BRINP3: variants seen among roughly 807,000 people sequenced by gnomAD.
BRINP3 encodes the protein BMP/retinoic acid-inducible neural-specific protein 3.
In BRINP3, 19 loss-of-function variants were observed where a neutral mutation model predicts 71.0. The ratio of observed to expected loss-of-function variants is 0.27; its 90% CI spans 0.19 to 0.39. The LOEUF is 0.39. BRINP3 is among the 10% of genes least tolerant of loss of function. BRINP3 has a pLI of 1.00. For missense variants in BRINP3, 959 were observed against 940.8 expected, an observed-to-expected ratio of 1.02 and a Z score of -0.25; for synonymous variants, 380 against 337.7, an observed-to-expected ratio of 1.13 and a Z score of -1.37.
At chr1:190,167,927 C>T (rs948743253) in intron 6 of BRINP3, among the ~76,000 whole-genome samples, 3 of 152,024 alleles carry the variant, frequency 2.0e-5, no homozygotes, top group Non-Finnish European at 2.9e-5. Flanking sequence ...CTAGTATCTC[C>T]GAGTGCTGTA....
At chr1:190,242,122 A>G (rs1659158154) in intron 4 of BRINP3, among the ~76,000 whole-genome samples, 1 of 151,914 alleles carries the variant, frequency 6.6e-6, no homozygotes, top group African/African-American at 2.4e-5. Context: ...CAAACATATT[A>G]TTAATTATAA....
intron 2 of BRINP3, among the ~76,000 whole-genome samples, chr1:190,319,515 T>C (rs761536498): frequency 1.3e-5 from 2 of 152,134 alleles, no homozygotes; most frequent in Non-Finnish European, 2.9e-5. Flanking sequence ...ATAGGTTTAA[T>C]TGGCTCACTG....
intron 2 of BRINP3, among the ~76,000 whole-genome samples, chr1:190,352,863 G>A (rs960134780): frequency 6.9e-6 from 1 of 145,030 alleles, no homozygotes; most frequent in African/African-American, 2.5e-5. Context: ...CTCTCTCTGT[G>A]TGTGTATGTG....
At chr1:190,156,076 G>A (rs1318648961) in intron 7 of BRINP3, among the ~76,000 whole-genome samples, 3 of 152,014 alleles carry the variant, frequency 2.0e-5, no homozygotes, top group South Asian at 2.1e-4. Context: ...CCAAATTGTC[G>A]CAGGCTTTAG....
chr1:190,192,202 T>C (rs1461678468), intron 6 of BRINP3, among the ~76,000 whole-genome samples: 1 of 152,136 alleles, frequency 6.6e-6, no homozygotes, highest in East Asian at 1.9e-4. Context: ...ATCTCTTTGC[T>C]TTTAAAAAAG....
In BRINP3 at chr1:190,317,196, T is replaced by C. The variant is rs545606174; in HGVS notation, c.237-35446A>G. 3.3e-4 allele frequency among the ~76,000 whole-genome samples: 47 copies of C among 141,974 alleles called. 1 individual carries two copies. The highest frequency in any genetic ancestry group is 1.2e-3 in the African/African-American group (45 of 38,760). 93.1% of individuals were successfully genotyped at this position (141,974 alleles called of 152,430 possible). Reference sequence around the variant, plus strand: ...CAAAAAAAAAAAAAAAAAAAAAGTCTCTAAAATACCTTGCCTTAAAAAACA... The same window carrying C: ...CAAAAAAAAAAAAAAAAAAAAAGTCCCTAAAATACCTTGCCTTAAAAAACA... On this transcript the variant is annotated intron_variant, in intron 2 of 7. Coordinates refer to ENST00000367462, the MANE Select transcript of BRINP3 (RefSeq NM_199051.3).
At chr1:190,428,568 T>C (rs1673880117) in intron 2 of BRINP3, among the ~76,000 whole-genome samples, 1 of 152,100 alleles carries the variant, frequency 6.6e-6, no homozygotes, top group South Asian at 2.1e-4. Flanking sequence ...ATCAAGATTC[T>C]ATCTTTAACA....
intron 2 of BRINP3, among the ~76,000 whole-genome samples, chr1:190,422,017 A>T (rs1292579899): frequency 6.6e-6 from 1 of 151,762 alleles, no homozygotes; most frequent in African/African-American, 2.4e-5. Context: ...TTCCTGTCCA[A>T]GTTTCCCAGA....
intron 2 of BRINP3, among the ~76,000 whole-genome samples, chr1:190,327,427 T>C (rs1274401626): frequency 2.5e-5 from 2 of 80,594 alleles, no homozygotes; most frequent in Non-Finnish European, 5.0e-5. Context: ...ATCTCACACA[T>C]AATAACAACC....
intron 2 of BRINP3, among the ~76,000 whole-genome samples, chr1:190,364,986 A>C (rs1669389664): frequency 6.6e-6 from 1 of 152,130 alleles, no homozygotes; most frequent in Admixed American, 6.6e-5. Flanking sequence ...GCCTGGAATC[A>C]GTTAACTGGC....
intron 2 of BRINP3, among the ~76,000 whole-genome samples, chr1:190,370,881 T>C (rs1394827943): frequency 6.6e-6 from 1 of 152,208 alleles, no homozygotes; most frequent in Non-Finnish European, 1.5e-5. Context: ...TTAATTTGTA[T>C]TTTAATTAAA....
At chr1:190,440,684 C>G (rs74431980) in intron 2 of BRINP3, among the ~76,000 whole-genome samples, 1 of 151,990 alleles carries the variant, frequency 6.6e-6, no homozygotes, top group South Asian at 2.1e-4. Flanking sequence ...AGTTCTATAA[C>G]GTCAACTTAT....
chr1:190,458,004 C>T (rs996082542), intron 1 of BRINP3, among the ~76,000 whole-genome samples: 6 of 151,288 alleles, frequency 4.0e-5, no homozygotes, highest in East Asian at 1.9e-4. Flanking sequence ...TTTAACATAT[C>T]CATCATTTCA....
At position 190,375,647 on chromosome 1, in the gene BRINP3, C is replaced by T. The variant is rs148818614; in HGVS notation, c.236+79008G>A. Among the ~76,000 whole-genome samples, 117 of 152,026 alleles carry T rather than the reference C, an allele frequency of 7.7e-4. 1 individual carries two copies. Among genetic ancestry groups the T allele is most frequent in the African/African-American group, 2.5e-3 (103 of 41,532 alleles). Reference sequence around the variant, plus strand: ...TATATAAATTGAGTCACAAGTTCATCACCTCATATAACTGGATTCTGAAGA... The same window carrying T: ...TATATAAATTGAGTCACAAGTTCATTACCTCATATAACTGGATTCTGAAGA... On this transcript the variant is annotated intron_variant, in intron 2 of 7. Coordinates refer to ENST00000367462, the MANE Select transcript of BRINP3 (RefSeq NM_199051.3).
At chr1:190,473,410 G>C (rs553301927) in intron 1 of BRINP3, among the ~76,000 whole-genome samples, 22 of 151,400 alleles carry the variant, frequency 1.5e-4, no homozygotes, top group Admixed American at 1.4e-3. Context: ...TATTGATCAG[G>C]GATCTACATC....
At chr1:190,467,231 A>C (rs1416319059) in intron 1 of BRINP3, among the ~76,000 whole-genome samples, 1 of 151,608 alleles carries the variant, frequency 6.6e-6, no homozygotes, top group Non-Finnish European at 1.5e-5. Context: ...TTAGTAGATT[A>C]ATTTTAAAAA....
intron 2 of BRINP3, among the ~76,000 whole-genome samples, chr1:190,300,360 C>T (rs1338275137): frequency 6.6e-6 from 1 of 152,122 alleles, no homozygotes; most frequent in African/African-American, 2.4e-5. Context: ...GAGGCTTCTG[C>T]ATTCTTCACG....
intron 2 of BRINP3, among the ~76,000 whole-genome samples, chr1:190,373,758 G>T (rs1670015633): frequency 6.6e-6 from 1 of 151,740 alleles, no homozygotes; most frequent in South Asian, 2.1e-4. Flanking sequence ...GGTGAGACAG[G>T]TGGAGGAGCA....
At position 190,160,773 on chromosome 1, in the gene BRINP3, T is replaced by C. The variant is rs1657282304; in HGVS notation, c.1079A>G (p.Asn360Ser). 1 of 1,613,558 alleles carries C rather than the reference T, an allele frequency of 6.2e-7. No homozygotes were observed. The highest frequency in any genetic ancestry group is 1.7e-5 in the Admixed American group (1 of 59,938). The change falls in exon 7 of 8, where the codon AAC becomes AGC. Residue 360 changes from asparagine to serine, a missense_variant. Coordinates refer to ENST00000367462, the MANE Select transcript of BRINP3 (RefSeq NM_199051.3). ...CTTTAGGAAAAGTTGTTTCATGCTG[T>C]TCTCCAGTTGTTCATAACGGCGCTG... ...NFQRRYEQLE[N>S]SMKQLFLKAQ...
Sources: allele counts gnomAD v4.1 joint callset (sites outside exome capture counted in the v4.1 genomes callset), GRCh38; gene constraint gnomAD v4.1.1; transcripts MANE v1.5; gene names NCBI Gene and HGNC (gene_info 2026-07-23, HGNC 2026-07-21).